Variants in MAMDC2 observed in about 807,000 individuals in gnomAD.
MAMDC2 encodes the protein MAM domain-containing protein 2.
In MAMDC2, 57 loss-of-function variants were observed where a neutral mutation model predicts 89.8. That is an observed-to-expected ratio of 0.63 (90% CI 0.51 to 0.79). MAMDC2 has a LOEUF of 0.79. MAMDC2 is among the 30% of genes least tolerant of loss of function. MAMDC2 has a pLI of 0.00. For missense variants in MAMDC2, 800 were observed against 820.6 expected (o/e 0.97, Z 0.31); for synonymous variants, 313 against 293.4 (o/e 1.07, Z -0.68).
At chr9:70,208,070 C>T (rs568071429) in intron 11 of MAMDC2, among the ~76,000 whole-genome samples, 1 of 152,282 alleles carries the variant, frequency 6.6e-6, no homozygotes, top group South Asian at 2.1e-4. Context: ...TAGCGTAATG[C>T]TTCCAGCTTT....
intron 6 of MAMDC2, 150 bp downstream of exon 6, chr9:70,126,565 C>T (rs1459891384): frequency 1.5e-5 from 12 of 778,486 alleles, no homozygotes; most frequent in Admixed American, 2.8e-5. Flanking sequence ...TCCTCAGCCC[C>T]TCTCCTGCTC....
chr9:70,221,615 T>C (rs1326240689), intron 12 of MAMDC2, among the ~76,000 whole-genome samples: 2 of 151,624 alleles, frequency 1.3e-5, no homozygotes, highest in Non-Finnish European at 2.9e-5. Flanking sequence ...GTATTGTATA[T>C]TTCAAAATAA....
chr9:70,059,488 C>G (rs1232738718), intron 2 of MAMDC2, among the ~76,000 whole-genome samples: 1 of 152,150 alleles, frequency 6.6e-6, no homozygotes, highest in Non-Finnish European at 1.5e-5. Flanking sequence ...TCATGACCCC[C>G]TCCCCTCTTT....
intron 2 of MAMDC2, among the ~76,000 whole-genome samples, chr9:70,074,404 C>A (rs916010073): frequency 4.6e-5 from 7 of 152,182 alleles, no homozygotes; most frequent in Admixed American, 3.9e-4. Context: ...TAACTGAAAT[C>A]CAAGGGGACA....
Position 70,221,405 on chromosome 9 carries a change from AGAGT to A in MAMDC2, c.1911+2810_1911+2813del, listed in dbSNP as rs1356854150. On this transcript the variant is annotated intron_variant, in intron 12 of 13. Coordinates refer to ENST00000377182, the MANE Select transcript of MAMDC2 (RefSeq NM_153267.5). ...TAGAGAGAGAGAGAGAGAGAGAGAG[AGAGT>A]AACATCAGATAACAAGTGCTATGAA... 2.1e-4 allele frequency among the ~76,000 whole-genome samples: 26 copies of A among 123,950 alleles called. 6 individuals carry two copies. The highest frequency in any genetic ancestry group is 4.2e-4 in the Admixed American group (5 of 11,816). The allele number at this position is 123,950 out of a possible 152,430, so 81.3% of individuals were successfully genotyped here.
intron 5 of MAMDC2, among the ~76,000 whole-genome samples, chr9:70,116,561 G>A (rs776693794): frequency 2.0e-5 from 3 of 152,070 alleles, no homozygotes; most frequent in Non-Finnish European, 4.4e-5. Flanking sequence ...AGATGCGTTT[G>A]AGTTCCAATA....
rs113576226 is a variant in MAMDC2 at position 70,066,312 on chromosome 9, T to A, written c.148+21615T>A. On this transcript the variant is annotated intron_variant, in intron 2 of 13. Coordinates refer to ENST00000377182, the MANE Select transcript of MAMDC2 (RefSeq NM_153267.5). ...ATGAAGAACTGTCAAGAAGCCAGTG[T>A]GCCTGGAACAGAGTGAATAGGAGCA... 2.0e-3 allele frequency among the ~76,000 whole-genome samples: 306 copies of A among 152,226 alleles called. 3 individuals carry two copies. The highest frequency in any genetic ancestry group is 7.1e-3 in the African/African-American group (293 of 41,520).
chr9:70,082,883 C>T (rs2997679), intron 2 of MAMDC2: 28,104 of 151,994 alleles, frequency 0.18, 3,658 homozygotes, highest in African/African-American at 0.37. Context: ...TCACTCTTGG[C>T]GCATAATACA....
At chr9:70,166,009 C>T (rs912312696) in intron 9 of MAMDC2, among the ~76,000 whole-genome samples, 5 of 151,824 alleles carry the variant, frequency 3.3e-5, no homozygotes, top group South Asian at 2.1e-4. Context: ...GGAGGCCAAG[C>T]GGGTGGATAT....
At chr9:70,192,915 CA>C in intron 11 of MAMDC2, among the ~76,000 whole-genome samples, 1 of 152,154 alleles carries the variant, frequency 6.6e-6, no homozygotes, top group Non-Finnish European at 1.5e-5. Context: ...CTGGCTAAAC[CA>C]GCCTAACAGG....
At chr9:70,114,599 A>C (rs1314214829) in intron 5 of MAMDC2, among the ~76,000 whole-genome samples, 1 of 152,172 alleles carries the variant, frequency 6.6e-6, no homozygotes, top group African/African-American at 2.4e-5. Flanking sequence ...ACAAATAAAA[A>C]GACTGGAGTC....
chr9:70,205,347 A>G (rs2118645154), intron 11 of MAMDC2, among the ~76,000 whole-genome samples: 1 of 152,328 alleles, frequency 6.6e-6, no homozygotes, highest in East Asian at 1.9e-4. Flanking sequence ...ACAGCCTTTT[A>G]AAATCACTTA....
At chr9:70,178,913 AGT>A (rs1209058857) in intron 11 of MAMDC2, among the ~76,000 whole-genome samples, 1 of 152,206 alleles carries the variant, frequency 6.6e-6, no homozygotes, top group Non-Finnish European at 1.5e-5. Flanking sequence ...GCCATTAAAC[AGT>A]GTGGCAGCTT....
rs540364875 is a variant in MAMDC2, at chr9:70,123,435, C to T, written c.644-2724C>T. ...TTTGATTCTATCCAGTCTGTCATTC[C>T]GATTCTTCCTTTAAAATTCCTGCCC... On this transcript the variant is annotated intron_variant, in intron 5 of 13. Coordinates refer to ENST00000377182, the MANE Select transcript of MAMDC2 (RefSeq NM_153267.5). Among the ~76,000 whole-genome samples, 75 of 152,170 alleles carry T rather than the reference C, an allele frequency of 4.9e-4. No individual in the cohort carries two copies. In the South Asian group the frequency reaches 8.3e-3, roughly 17 times the overall value.
rs143760668 is a variant in MAMDC2, at chr9:70,067,320, G to C, written c.148+22623G>C. ...CTGGAGTAATAAGCCCTTCAGTCCT[G>C]AAGAGGGATCTGCAGCACAGCATCT... On this transcript the variant is annotated intron_variant, in intron 2 of 13. Transcript: ENST00000377182. Among the ~76,000 whole-genome samples the C allele has an allele frequency of 5.5e-4, 84 of 152,240 alleles. 1 individual carries two copies. The East Asian group carries it at 0.016, about 29-fold the overall frequency.
chr9:70,178,991 G>A (rs527240337), intron 11 of MAMDC2, among the ~76,000 whole-genome samples: 23 of 152,292 alleles, frequency 1.5e-4, no homozygotes, highest in South Asian at 6.2e-4. Flanking sequence ...CAACAAAGTG[G>A]AGTCTAAAAT....
At chr9:70,211,644 C>T (rs1241782947) in intron 11 of MAMDC2, among the ~76,000 whole-genome samples, 1 of 152,200 alleles carries the variant, frequency 6.6e-6, no homozygotes, top group African/African-American at 2.4e-5. Flanking sequence ...AGTCATTCTC[C>T]ATCCAGCTTT....
chr9:70,095,591 G>C (rs1828009389), intron 2 of MAMDC2, among the ~76,000 whole-genome samples: 1 of 152,196 alleles, frequency 6.6e-6, no homozygotes, highest in African/African-American at 2.4e-5. Context: ...TTGGGAGAAA[G>C]AGAATGAGTT....
chr9:70,127,752 C>T (rs2030623968), intron 6 of MAMDC2, among the ~76,000 whole-genome samples: 1 of 151,634 alleles, frequency 6.6e-6, no homozygotes, highest in Admixed American at 6.6e-5. Flanking sequence ...TATTTCCTAT[C>T]CCAAAGTCCA....
Sources: allele counts gnomAD v4.1 joint callset (sites outside exome capture counted in the v4.1 genomes callset), GRCh38; gene constraint gnomAD v4.1.1; transcripts MANE v1.5; gene names NCBI Gene and HGNC (gene_info 2026-07-23, HGNC 2026-07-21).